ROBO1: variants seen among roughly 807,000 people sequenced by gnomAD.
The protein encoded by ROBO1 is roundabout guidance receptor 1.
In ROBO1, 149 loss-of-function variants were observed where a neutral mutation model predicts 195.9. That is an observed-to-expected ratio of 0.76 (90% confidence interval 0.67 to 0.87). ROBO1 has a LOEUF of 0.87. Among genes scored for constraint, ROBO1 ranks in the 40% least tolerant of loss-of-function variants. The pLI is 0.00. For synonymous variants in ROBO1, 816 were observed against 733.2 expected (o/e 1.11, Z -1.82); for missense variants, 1,933 against 2,068.3 (o/e 0.93, Z 1.27).
intron 2 of ROBO1, among the ~76,000 whole-genome samples, chr3:79,412,296 T>A (rs1022570854): frequency 2.0e-5 from 3 of 152,174 alleles, no homozygotes; most frequent in Non-Finnish European, 2.9e-5. Context: ...GACAGTTTTC[T>A]CTGGTCTTTC....
Position 79,589,980 on chromosome 3 carries a change from T to A in ROBO1, c.-50-19A>T. On this transcript the variant is annotated intron_variant, in intron 1 of 30. Coordinates refer to ENST00000464233, the MANE Select transcript of ROBO1 (RefSeq NM_002941.4). ...GTGTTATCTGGGGAGATTAAAAAAA[T>A]ATTATTTTGTAATGGTTAGCTATGC... 2.8e-6 allele frequency: 3 copies of A among 1,089,330 alleles called. No individual in the cohort carries two copies. Among genetic ancestry groups the A allele is most frequent in the Non-Finnish European group, 2.8e-6 (2 of 717,184 alleles). The allele number at this position is 1,089,330 out of a possible 1,614,324, so 67.5% of individuals were successfully genotyped here.
chr3:79,618,624 T>G (rs1421859419), intron 1 of ROBO1, among the ~76,000 whole-genome samples: 1 of 152,178 alleles, frequency 6.6e-6, no homozygotes, highest in Non-Finnish European at 1.5e-5. Context: ...CTCCCTTTGC[T>G]GACTCCTTTT....
At chr3:79,395,044 C>G (rs1208597212) in intron 2 of ROBO1, among the ~76,000 whole-genome samples, 3 of 151,982 alleles carry the variant, frequency 2.0e-5, no homozygotes, top group Non-Finnish European at 2.9e-5. Context: ...GTGAGACCGG[C>G]CGGGCGCGGT....
intron 2 of ROBO1, among the ~76,000 whole-genome samples, chr3:79,296,137 C>G (rs1353261542): frequency 3.9e-5 from 6 of 152,108 alleles, no homozygotes; most frequent in Non-Finnish European, 8.8e-5. Flanking sequence ...TATTTTCAAA[C>G]TCATTCTATA....
At chr3:78,859,414 C>T (rs527590981) in intron 4 of ROBO1, among the ~76,000 whole-genome samples, 49 of 152,132 alleles carry the variant, frequency 3.2e-4, no homozygotes, top group African/African-American at 1.1e-3. Context: ...TTAGGCTGCA[C>T]GTAGGCACTC....
intron 4 of ROBO1, among the ~76,000 whole-genome samples, chr3:78,806,950 G>A (rs1022734529): frequency 1.3e-5 from 2 of 151,980 alleles, no homozygotes; most frequent in Admixed American, 1.3e-4. Context: ...TAGGATTACA[G>A]GCGTACACCA....
At chr3:78,942,797 C>T (rs1158840572) in intron 3 of ROBO1, among the ~76,000 whole-genome samples, 2 of 152,208 alleles carry the variant, frequency 1.3e-5, no homozygotes, top group East Asian at 3.8e-4. Context: ...GTCCCAGCTA[C>T]TCAGGAGGCT....
At chr3:79,195,668 G>A (rs2081620489) in intron 2 of ROBO1, among the ~76,000 whole-genome samples, 1 of 151,402 alleles carries the variant, frequency 6.6e-6, no homozygotes, top group Middle Eastern at 3.2e-3. Flanking sequence ...CAGAAATTCA[G>A]TTAATAAAAT....
At chr3:78,826,594 T>C (rs752100730) in intron 4 of ROBO1, among the ~76,000 whole-genome samples, 38 of 152,156 alleles carry the variant, frequency 2.5e-4, no homozygotes, top group Non-Finnish European at 4.0e-4. Flanking sequence ...AGAGTTGAAA[T>C]TGACCATGGA....
intron 3 of ROBO1, among the ~76,000 whole-genome samples, chr3:78,957,645 T>C (rs528746213): frequency 2.0e-5 from 3 of 152,310 alleles, no homozygotes; most frequent in Admixed American, 1.3e-4. Context: ...CTGAGGCGCA[T>C]AGCTGCTCAG....
At chr3:79,148,629 G>A (rs1309968376) in intron 2 of ROBO1, among the ~76,000 whole-genome samples, 1 of 151,682 alleles carries the variant, frequency 6.6e-6, no homozygotes, top group African/African-American at 2.4e-5. Flanking sequence ...TTCACGTAAG[G>A]TCTAATGGAT....
At chr3:78,757,521 TA>T (rs2082969157) in intron 4 of ROBO1, among the ~76,000 whole-genome samples, 1 of 151,952 alleles carries the variant, frequency 6.6e-6, no homozygotes, top group African/African-American at 2.4e-5. Flanking sequence ...GGAGAAGGAT[TA>T]AAAGGAGTTT....
At chr3:79,026,679 A>G (rs2078208993) in intron 3 of ROBO1, among the ~76,000 whole-genome samples, 1 of 152,032 alleles carries the variant, frequency 6.6e-6, no homozygotes, top group South Asian at 2.1e-4. Flanking sequence ...GGGATTTGCT[A>G]TCTTTTGGTT....
At chr3:78,903,296 TTAAC>T (rs1270806709) in intron 4 of ROBO1, among the ~76,000 whole-genome samples, 1 of 152,102 alleles carries the variant, frequency 6.6e-6, no homozygotes, top group Admixed American at 6.6e-5. Context: ...AACAGAAAGT[TTAAC>T]TATTAAACAA....
chr3:79,443,149 A>C (rs1027644413), intron 2 of ROBO1, among the ~76,000 whole-genome samples: 14 of 152,318 alleles, frequency 9.2e-5, no homozygotes, highest in Admixed American at 6.5e-5. Context: ...CCAGGTGATC[A>C]CTGGAGTAGG....
In ROBO1 at chr3:78,987,933, T is replaced by C. The variant is rs775997090; in HGVS notation, c.173-49006A>G. On this transcript the variant is annotated intron_variant, in intron 3 of 30. Transcript: ENST00000464233. ...TAAAACATAATTATATTATATAAAG[T>C]TGCTAAATAATTAGAACTGTACCCA... 2.0e-5 allele frequency among the ~76,000 whole-genome samples: 3 copies of C among 152,262 alleles called. No individual in the cohort carries two copies. In the South Asian group the frequency reaches 6.2e-4, roughly 32 times the overall value.
chr3:79,514,329 T>C (rs1228955541), intron 2 of ROBO1, among the ~76,000 whole-genome samples: 2 of 152,162 alleles, frequency 1.3e-5, no homozygotes, highest in African/African-American at 4.8e-5. Flanking sequence ...TCAAATGAAT[T>C]TCTCTCATAT....
intron 1 of ROBO1, among the ~76,000 whole-genome samples, chr3:79,715,572 A>G (rs981652964): frequency 1.3e-5 from 2 of 152,144 alleles, no homozygotes; most frequent in Non-Finnish European, 1.5e-5. Context: ...TAACTTCTAC[A>G]TGTGCTGGGA....
rs142268121 is a variant in ROBO1, at chr3:79,014,567, C to T, written c.173-75640G>A. Among the ~76,000 whole-genome samples the T allele has an allele frequency of 1.8e-4, 28 of 152,348 alleles. No individual in the cohort carries two copies. The East Asian group carries it at 5.4e-3, about 29-fold the overall frequency. On this transcript the variant is annotated intron_variant, in intron 3 of 30. Transcript: ENST00000464233. ...CACTTGGCTGCTCTGTCTACTTCCA[C>T]TGTATCCCTGCCTATATCTTAAACT...
Sources: allele counts gnomAD v4.1 joint callset (sites outside exome capture counted in the v4.1 genomes callset), GRCh38; gene constraint gnomAD v4.1.1; transcripts MANE v1.5; gene names NCBI Gene and HGNC (gene_info 2026-07-23, HGNC 2026-07-21).